The following SRGAP2B variants were observed in gnomAD, a reference collection of about 807,000 sequenced individuals.
SRGAP2B encodes SLIT-ROBO Rho GTPase activating protein 2B, also known as SLIT-ROBO Rho GTPase-activating protein 2B.
Under a neutral mutation model 22.2 loss-of-function variants are expected in SRGAP2B, and 9 were observed. The observed-to-expected ratio is 0.41, with a 90% confidence interval of 0.24 to 0.71. The LOEUF is 0.71. SRGAP2B is among the 30% of genes least tolerant of loss of function. SRGAP2B has a pLI of 0.35. For synonymous variants in SRGAP2B, 36 were observed against 87.4 expected, an observed-to-expected ratio of 0.41 and a Z score of 3.28; for missense variants, 114 against 235.8, an observed-to-expected ratio of 0.48 and a Z score of 3.38.
rs587741101 is a variant in SRGAP2B, at chr1:145,010,651, T to C, written c.68-15451A>G. Among the ~76,000 whole-genome samples, 143 of 150,562 alleles carry C rather than the reference T, an allele frequency of 9.5e-4. 4 individuals carry two copies. Among genetic ancestry groups the C allele is most frequent in the Non-Finnish European group, 1.6e-3 (107 of 67,950 alleles). ...AATGCAGTTATTTTTATTTTTATAG[T>C]ACATACGGTATAATGCCATTCTTAT... On this transcript the variant is annotated intron_variant, in intron 2 of 9. Transcript: ENST00000612199.
At chr1:145,027,002 CT>C (rs1341240722) in intron 2 of SRGAP2B, among the ~76,000 whole-genome samples, 1 of 91,600 alleles carries the variant, frequency 1.1e-5, no homozygotes, top group African/African-American at 4.5e-5. Context: ...GTCCTCTATG[CT>C]TTTTTTAATT....
rs1421336826 is a variant in SRGAP2B at position 144,912,114 on chromosome 1, C to T, written c.486+2578G>A. 8.3e-4 allele frequency among the ~76,000 whole-genome samples: 121 copies of T among 145,604 alleles called. 10 individuals are homozygous for T. Among genetic ancestry groups the T allele is most frequent in the African/African-American group, 3.1e-3 (111 of 35,772 alleles). ...TACAGGCACCCGCCACCATGCCCAGCTATTTTTTTTTGTATTTTTAGTAGA... is the reference window on the plus strand; with the variant it reads ...TACAGGCACCCGCCACCATGCCCAGTTATTTTTTTTTGTATTTTTAGTAGA... On this transcript the variant is annotated intron_variant, in intron 5 of 9. Coordinates refer to ENST00000612199, the Ensembl canonical transcript of SRGAP2B.
At chr1:145,010,541 A>G (rs1190355428) in intron 2 of SRGAP2B, among the ~76,000 whole-genome samples, 2 of 138,990 alleles carry the variant, frequency 1.4e-5, no homozygotes, top group African/African-American at 2.9e-5. Context: ...TTTAGGAACT[A>G]TTATCTTTGG....
intron 2 of SRGAP2B, among the ~76,000 whole-genome samples, chr1:145,079,895 C>G (rs1380135283): frequency 3.3e-5 from 5 of 149,908 alleles, no homozygotes; most frequent in Non-Finnish European, 7.4e-5. Context: ...TCCCGAACAA[C>G]CCAGATGTCT....
chr1:144,929,648 A>C (rs1665029997), intron 4 of SRGAP2B, among the ~76,000 whole-genome samples: 4 of 151,324 alleles, frequency 2.6e-5, no homozygotes, highest in Admixed American at 2.6e-4. Flanking sequence ...ATTATTTATA[A>C]CTGAGTGCCA....
intron 2 of SRGAP2B, among the ~76,000 whole-genome samples, chr1:145,017,323 C>T (rs1553623387): frequency 6.7e-6 from 1 of 149,046 alleles, no homozygotes; most frequent in South Asian, 2.1e-4. Context: ...GTTCCCTGGG[C>T]AGGTGTGTAT....
intron 4 of SRGAP2B, among the ~76,000 whole-genome samples, chr1:144,932,352 CTT>C (rs1665256892): frequency 6.6e-6 from 1 of 151,020 alleles, no homozygotes; most frequent in Admixed American, 6.6e-5. Flanking sequence ...GTCACTGTGC[CTT>C]TCTCTCCACT....
intron 4 of SRGAP2B, among the ~76,000 whole-genome samples, chr1:144,920,146 C>T (rs1169948504): frequency 6.6e-6 from 1 of 150,922 alleles, no homozygotes; most frequent in East Asian, 1.9e-4. Context: ...ATTTACAATC[C>T]TCTAGCTAGA....
At chr1:144,963,809 G>T (rs1667857716) in intron 3 of SRGAP2B, among the ~76,000 whole-genome samples, 1 of 152,024 alleles carries the variant, frequency 6.6e-6, no homozygotes, top group Admixed American at 6.5e-5. Flanking sequence ...GCATCTCTCT[G>T]GCACCAGGCA....
chr1:144,922,743 G>A (rs1664345925), intron 4 of SRGAP2B, among the ~76,000 whole-genome samples: 1 of 150,456 alleles, frequency 6.6e-6, no homozygotes, highest in Admixed American at 6.6e-5. Flanking sequence ...AAAGGAAGGG[G>A]CTCCCCACTA....
intron 4 of SRGAP2B, among the ~76,000 whole-genome samples, chr1:144,922,708 G>T (rs141676097): frequency 6.7e-6 from 1 of 150,144 alleles, no homozygotes; most frequent in Non-Finnish European, 1.5e-5. Flanking sequence ...GATATGGTTC[G>T]ACTGTGGGCA....
chr1:145,072,950 T>C (rs1553633729), intron 2 of SRGAP2B, among the ~76,000 whole-genome samples: 2 of 144,586 alleles, frequency 1.4e-5, no homozygotes, highest in African/African-American at 5.3e-5. Context: ...TGGTGGAGGG[T>C]GCTGGCAGGG....
At chr1:145,005,668 C>G (rs1480096411) in intron 2 of SRGAP2B, among the ~76,000 whole-genome samples, 1 of 147,902 alleles carries the variant, frequency 6.8e-6, no homozygotes, top group Admixed American at 6.7e-5. Flanking sequence ...TAGAAATAGA[C>G]ACTTGGGAGC....
chr1:144,966,588 G>C (rs1553612292), intron 3 of SRGAP2B, among the ~76,000 whole-genome samples: 1 of 146,346 alleles, frequency 6.8e-6, no homozygotes. Context: ...ATCAACTAAT[G>C]AACAAAATAG....
At chr1:145,020,336 A>C (rs1231234083) in intron 2 of SRGAP2B, among the ~76,000 whole-genome samples, 1 of 130,682 alleles carries the variant, frequency 7.7e-6, no homozygotes, top group African/African-American at 3.2e-5. Flanking sequence ...CTGAGGCAGA[A>C]GGATCCCTTG....
intron 3 of SRGAP2B, among the ~76,000 whole-genome samples, chr1:144,958,953 C>A (rs1553610845): frequency 6.7e-6 from 1 of 149,944 alleles, no homozygotes; most frequent in African/African-American, 2.5e-5. Context: ...AGGCTGCTAG[C>A]ATTGTTTTAT....
At chr1:144,979,702 A>G (rs1553614768) in intron 3 of SRGAP2B, among the ~76,000 whole-genome samples, 1 of 150,488 alleles carries the variant, frequency 6.6e-6, no homozygotes, top group Non-Finnish European at 1.5e-5. Flanking sequence ...TTCACGAGAG[A>G]TCTGGTTGTT....
rs1257309122 is a variant in SRGAP2B at position 144,931,615 on chromosome 1, T to C, written c.424-16861A>G. Among the ~76,000 whole-genome samples the C allele has an allele frequency of 1.3e-5, 2 of 150,908 alleles. 1 individual carries two copies. Among genetic ancestry groups the C allele is most frequent in the African/African-American group, 5.0e-5 (2 of 40,388 alleles). Reference sequence around the variant, plus strand: ...GAATATTCTGGTTAAAGGAAAGAAATCTAAAACTCAATCAGCTTTAGATTT... The same window carrying C: ...GAATATTCTGGTTAAAGGAAAGAAACCTAAAACTCAATCAGCTTTAGATTT... On this transcript the variant is annotated intron_variant, in intron 4 of 9. Transcript: ENST00000612199.
At chr1:144,904,238 G>A (rs1428551136) in intron 7 of SRGAP2B, among the ~76,000 whole-genome samples, 1 of 148,736 alleles carries the variant, frequency 6.7e-6, no homozygotes, top group African/African-American at 2.5e-5. Flanking sequence ...CTAGCAACTG[G>A]AGACAGCAAT....
Sources: gnomAD v4.1 joint callset for allele counts (sites outside exome capture counted in the v4.1 genomes callset) on GRCh38, gnomAD v4.1.1 for gene constraint, MANE v1.5 for transcripts, NCBI Gene and HGNC (gene_info 2026-07-23, HGNC 2026-07-21) for gene names.